RAB3B: variants seen among roughly 807,000 people sequenced by gnomAD.
RAB3B encodes the protein ras-related protein Rab-3B.
In RAB3B, 11 loss-of-function variants were observed where a neutral mutation model predicts 20.5. That is an observed-to-expected ratio of 0.54 (90% CI 0.34 to 0.89). RAB3B has a LOEUF of 0.89. Among genes scored for constraint, RAB3B ranks in the 40% least tolerant of loss-of-function variants. RAB3B has a pLI of 0.02. For missense variants in RAB3B, 225 were observed against 280.9 expected (o/e 0.80, Z 1.42); for synonymous variants, 99 against 106.3 (o/e 0.93, Z 0.42).
At chr1:51,977,163 A>T (rs1685022237) in intron 1 of RAB3B, 46 bp from the exon 2 acceptor site, 1 of 1,412,844 alleles carries the variant, frequency 7.1e-7, no homozygotes, top group Non-Finnish European at 1.0e-6. Flanking sequence ...CTTCGGTGTC[A>T]CCCTGAGTCA....
intron 4 of RAB3B, among the ~76,000 whole-genome samples, chr1:51,932,854 G>A (rs773758336): frequency 6.6e-6 from 1 of 152,128 alleles, no homozygotes; most frequent in Middle Eastern, 3.2e-3. Context: ...TTGCTAGGAA[G>A]CTCAAAGACA....
At chr1:51,990,036 C>G (rs1281745798) in intron 1 of RAB3B, among the ~76,000 whole-genome samples, 1 of 142,466 alleles carries the variant, frequency 7.0e-6, no homozygotes, top group Non-Finnish European at 1.5e-5. Context: ...CACCTCAGTC[C>G]CCTCCAGCTC....
intron 2 of RAB3B, among the ~76,000 whole-genome samples, chr1:51,965,907 C>T (rs539021595): frequency 1.3e-5 from 2 of 152,304 alleles, no homozygotes; most frequent in Non-Finnish European, 1.5e-5. Context: ...GGGAACTCTA[C>T]ACTATCACTG....
rs6698826 is a variant in RAB3B, at chr1:51,909,280, A to C, written c.*10647T>G. On this transcript the variant is annotated 3_prime_UTR_variant, in exon 5 of 5. Coordinates refer to ENST00000371655, the MANE Select transcript of RAB3B (RefSeq NM_002867.4). ...GTGTATTCGTTTCATTCTGAGACGA[A>C]TACCATCTATCCCCCTAGACTCTCA... 82,246 of 151,986 alleles carry C rather than the reference A, an allele frequency of 0.54. 23,384 individuals carry two copies. Among genetic ancestry groups the C allele is most frequent in the East Asian group, 0.89 (4,613 of 5,172 alleles). The allele number at this position is 151,986 out of a possible 1,614,324, so 9.4% of individuals were successfully genotyped here. A position where few individuals can be genotyped will look rare whatever the true frequency, so the allele number is the denominator to read the frequency against.
At chr1:51,983,837 G>C (rs1033681280) in intron 1 of RAB3B, among the ~76,000 whole-genome samples, 1 of 151,854 alleles carries the variant, frequency 6.6e-6, no homozygotes, top group Non-Finnish European at 1.5e-5. Context: ...GCGCACACCT[G>C]TAATTCCAGC....
intron 2 of RAB3B, among the ~76,000 whole-genome samples, chr1:51,940,175 T>C (rs191457588): frequency 6.6e-6 from 1 of 152,188 alleles, no homozygotes; most frequent in African/African-American, 2.4e-5. Flanking sequence ...GCCTTAGCCA[T>C]GAACTATACT....
At chr1:51,980,384 T>C in intron 1 of RAB3B, 1 of 380,942 alleles carries the variant, frequency 2.6e-6, no homozygotes, top group South Asian at 2.7e-5. Flanking sequence ...ACCATGATTG[T>C]GCCACTGCAC....
chr1:51,949,450 G>A (rs1214813273), intron 2 of RAB3B, among the ~76,000 whole-genome samples: 1 of 152,192 alleles, frequency 6.6e-6, no homozygotes, highest in African/African-American at 2.4e-5. Flanking sequence ...CTGAGGGCAA[G>A]CTTCCAGCAC....
At chr1:51,951,163 T>G (rs1684635994) in intron 2 of RAB3B, among the ~76,000 whole-genome samples, 1 of 151,716 alleles carries the variant, frequency 6.6e-6, no homozygotes, top group Admixed American at 6.6e-5. Context: ...TTTCAACTTT[T>G]GTTTTAGGTT....
At chr1:51,986,620 A>T (rs1482892258) in intron 1 of RAB3B, among the ~76,000 whole-genome samples, 4 of 152,166 alleles carry the variant, frequency 2.6e-5, no homozygotes. Flanking sequence ...CTCTAAAAAT[A>T]AAAATTAAAA....
At chr1:51,984,183 G>A (rs1236634187) in intron 1 of RAB3B, among the ~76,000 whole-genome samples, 1 of 128,690 alleles carries the variant, frequency 7.8e-6, no homozygotes, top group East Asian at 2.8e-4. Flanking sequence ...AGAATCACTT[G>A]AACCTGGCAG....
chr1:51,937,874 C>T (rs1684429179), intron 2 of RAB3B, among the ~76,000 whole-genome samples: 1 of 151,244 alleles, frequency 6.6e-6, no homozygotes, highest in Non-Finnish European at 1.5e-5. Flanking sequence ...TTTTAAATCT[C>T]ATAGAATTTA....
In RAB3B at chr1:51,908,196, T is replaced by C. The variant is rs950673860; in HGVS notation, c.*11731A>G. The C allele has an allele frequency of 5.3e-5, 8 of 152,080 alleles. No individual in the cohort carries two copies. The highest frequency in any genetic ancestry group is 1.7e-4 in the African/African-American group (7 of 41,422). 9.4% of individuals were successfully genotyped at this position (152,080 alleles called of 1,614,324 possible). Reference sequence around the variant, plus strand: ...ATATGCCACTGAGAAGAGGTGTCAGTATACAGAACATAGGAAGAAGAAAAA... The same window carrying C: ...ATATGCCACTGAGAAGAGGTGTCAGCATACAGAACATAGGAAGAAGAAAAA... On this transcript the variant is annotated 3_prime_UTR_variant, in exon 5 of 5. Transcript: ENST00000371655.
At chr1:51,935,775 T>G (rs1571961516) in intron 3 of RAB3B, among the ~76,000 whole-genome samples, 1 of 145,986 alleles carries the variant, frequency 6.8e-6, no homozygotes. Flanking sequence ...AAATGATGAG[T>G]GGAGAGAGTA....
rs577394891 is a variant in RAB3B at position 51,931,017 on chromosome 1, C to CA, written c.472+2300dup. Among the ~76,000 whole-genome samples the CA allele has an allele frequency of 8.9e-4, 129 of 145,046 alleles. 1 individual carries two copies. The highest frequency in any genetic ancestry group is 1.5e-3 in the African/African-American group (59 of 39,624). On this transcript the variant is annotated intron_variant, in intron 4 of 4. Transcript: ENST00000371655. Reference sequence around the variant, plus strand: ...GGGTGACAAGAGTGAAACTCCATCTCAAAAAAAAAAATCTTAGTGAGAAGG... The same window carrying CA: ...GGGTGACAAGAGTGAAACTCCATCTCAAAAAAAAAAAATCTTAGTGAGAAGG...
At chr1:51,969,768 CTA>C (rs1357744528) in intron 2 of RAB3B, among the ~76,000 whole-genome samples, 1 of 152,138 alleles carries the variant, frequency 6.6e-6, no homozygotes, top group Non-Finnish European at 1.5e-5. Flanking sequence ...GTGCCATGCA[CTA>C]TGTTAGTGCT....
rs369137403 is a variant in RAB3B at position 51,926,330 on chromosome 1, A to G, written c.473-6216T>C. Among the ~76,000 whole-genome samples, 4 of 152,312 alleles carry G rather than the reference A, an allele frequency of 2.6e-5. No homozygotes were observed. The East Asian group carries it at 7.7e-4, about 29-fold the overall frequency. On this transcript the variant is annotated intron_variant, in intron 4 of 4. Coordinates refer to ENST00000371655, the MANE Select transcript of RAB3B (RefSeq NM_002867.4). The stretch of plus-strand genomic sequence containing the variant: ...GTGACTGTGAACTGCCCTGCCTGCA[A>G]GAGATTTTATACCTCCACATTACCA...
intron 2 of RAB3B, among the ~76,000 whole-genome samples, chr1:51,969,222 A>G (rs1684895632): frequency 6.6e-6 from 1 of 152,202 alleles, no homozygotes; most frequent in Non-Finnish European, 1.5e-5. Context: ...GCTTAAGCCC[A>G]GGAGGTCGAG....
At chr1:51,957,298 T>C (rs1392111532) in intron 2 of RAB3B, among the ~76,000 whole-genome samples, 1 of 152,214 alleles carries the variant, frequency 6.6e-6, no homozygotes, top group African/African-American at 2.4e-5. Context: ...CACCCACTTC[T>C]GTCCTTATCA....
Sources: gnomAD v4.1 joint callset for allele counts (sites outside exome capture counted in the v4.1 genomes callset) on GRCh38, gnomAD v4.1.1 for gene constraint, MANE v1.5 for transcripts, NCBI Gene and HGNC (gene_info 2026-07-23, HGNC 2026-07-21) for gene names.